Variants in TRAPPC8 observed in about 807,000 individuals in gnomAD.
TRAPPC8 encodes trafficking protein particle complex subunit 8.
TRAPPC8 carries 54 observed loss-of-function variants against 174.3 expected under a neutral mutation model. That is an observed-to-expected ratio of 0.31 (90% CI 0.25 to 0.39). The LOEUF (loss-of-function observed/expected upper bound fraction) is 0.39, where lower values mean the gene tolerates loss of function less well. Ranked by LOEUF, TRAPPC8 falls within the 10% of genes least tolerant of loss-of-function variation. TRAPPC8 has a pLI of 1.00. For missense variants in TRAPPC8, 1,531 were observed against 1,699.1 expected, an observed-to-expected ratio of 0.90 and a Z score of 1.74; for synonymous variants, 630 against 579.9, an observed-to-expected ratio of 1.09 and a Z score of -1.24.
At chr18:31,838,066 C>A (rs745857524) in intron 27 of TRAPPC8, among the ~76,000 whole-genome samples, 17 of 151,916 alleles carry the variant, frequency 1.1e-4, no homozygotes, top group Non-Finnish European at 2.2e-4. Context: ...AACTAATGGG[C>A]TCAAGCGATC....
At chr18:31,849,426 A>T (rs914282487) in intron 25 of TRAPPC8, 140 bp downstream of exon 25, 2 of 743,628 alleles carry the variant, frequency 2.7e-6, no homozygotes, top group Non-Finnish European at 3.8e-6. Flanking sequence ...GCCAAAAAAA[A>T]ATATGTAACT....
intron 26 of TRAPPC8, among the ~76,000 whole-genome samples, chr18:31,846,311 C>T (rs1057435187): frequency 1.3e-5 from 2 of 152,166 alleles, no homozygotes; most frequent in African/African-American, 2.4e-5. Flanking sequence ...TGGTAGCTCA[C>T]GCCTATAATC....
chr18:31,830,998 G>A lies in TRAPPC8; in HGVS notation c.4074-9C>T, dbSNP rs1413097340. 2 of 1,586,150 alleles carry A rather than the reference G, an allele frequency of 1.3e-6. No individual in the cohort carries two copies. Among genetic ancestry groups the A allele is most frequent in the Non-Finnish European group, 8.6e-7 (1 of 1,164,252 alleles). On this transcript the variant is annotated splice_polypyrimidine_tract_variant and intron_variant, in intron 28 of 28. Coordinates refer to ENST00000283351, the MANE Select transcript of TRAPPC8 (RefSeq NM_014939.5). ...TTTCCAGTGCTTCTGGACTAAGGGAGGAGGAAAATGTAAGTTGCAGGATTT... is the reference window on the plus strand; with the variant it reads ...TTTCCAGTGCTTCTGGACTAAGGGAAGAGGAAAATGTAAGTTGCAGGATTT...
intron 9 of TRAPPC8, among the ~76,000 whole-genome samples, chr18:31,905,337 G>A (rs2036612600): frequency 6.6e-6 from 1 of 152,120 alleles, no homozygotes; most frequent in South Asian, 2.1e-4. Context: ...GAGCTCAGCT[G>A]CTGCACAGAA....
chr18:31,837,967 T>TAAAAA (rs35815014), intron 27 of TRAPPC8, among the ~76,000 whole-genome samples: 1 of 129,044 alleles, frequency 7.7e-6, no homozygotes, highest in Non-Finnish European at 1.6e-5. Context: ...AAAAATCACT[T>TAAAAA]AAAAAAAAAA....
At chr18:31,935,935 C>T (rs1434414262) in intron 1 of TRAPPC8, among the ~76,000 whole-genome samples, 1 of 151,502 alleles carries the variant, frequency 6.6e-6, no homozygotes, top group African/African-American at 2.4e-5. Flanking sequence ...GACGAGGTTT[C>T]GCCATGTTGG....
chr18:31,916,248 T>A, intron 4 of TRAPPC8, 24 bp downstream of exon 4: 1 of 1,442,538 alleles, frequency 6.9e-7, no homozygotes, highest in Non-Finnish European at 9.2e-7. Flanking sequence ...CTGGAAAAAA[T>A]TTAAAACTAA....
At chr18:31,862,359 A>G (rs1053705930) in intron 19 of TRAPPC8, among the ~76,000 whole-genome samples, 5 of 152,192 alleles carry the variant, frequency 3.3e-5, no homozygotes, top group African/African-American at 1.2e-4. Flanking sequence ...AAAATGATGA[A>G]GCAACAGTAT....
chr18:31,864,938 C>T (rs560336592), intron 18 of TRAPPC8, among the ~76,000 whole-genome samples, 157 bp from the exon 19 acceptor site: 1 of 152,064 alleles, frequency 6.6e-6, no homozygotes, highest in Non-Finnish European at 1.5e-5. Context: ...AGTATATTTT[C>T]ATTCCATGTT....
At chr18:31,851,731 G>C (rs1020809673) in intron 24 of TRAPPC8, among the ~76,000 whole-genome samples, 2 of 151,950 alleles carry the variant, frequency 1.3e-5, no homozygotes, top group Admixed American at 6.6e-5. Flanking sequence ...AATCACAATG[G>C]AGTCTTATGT....
chr18:31,909,127 T>C, intron 6 of TRAPPC8, 117 bp from the exon 7 acceptor site: 1 of 984,580 alleles, frequency 1.0e-6, no homozygotes, highest in Non-Finnish European at 1.4e-6. Flanking sequence ...TATCTTTCAG[T>C]ATAGGTAAAT....
intron 22 of TRAPPC8, 89 bp downstream of exon 22, chr18:31,853,760 C>A: frequency 2.2e-6 from 2 of 920,528 alleles, no homozygotes; most frequent in South Asian, 1.9e-5. Flanking sequence ...AAAGTTAATC[C>A]TAATAATCTT....
At chr18:31,849,823 A>T (rs2145042135) in intron 24 of TRAPPC8, 84 bp from the exon 25 acceptor site, 1 of 1,339,282 alleles carries the variant, frequency 7.5e-7, no homozygotes, top group East Asian at 2.6e-5. Context: ...TTTTAATTAA[A>T]TATATCCTGC....
At position 31,873,441 on chromosome 18, in the gene TRAPPC8, C is replaced by T. The variant is rs769784175; in HGVS notation, c.2051G>A (p.Arg684Gln). Residue 684 changes from arginine to glutamine, a missense_variant, in exon 14 of 29, where the codon CGA becomes CAA. Transcript: ENST00000283351. ...AAAACTTTACTAACCATCCGCTGGT[C>T]GTCTGTCATGGCCAAAAAAAACCCG... ...ATRVFFGHDR[R>Q]PADGEKQAAT... The T allele has an allele frequency of 1.9e-6, 3 of 1,611,850 alleles. No homozygotes were observed. The highest frequency in any genetic ancestry group is 1.3e-5 in the African/African-American group (1 of 74,822).
intron 24 of TRAPPC8, among the ~76,000 whole-genome samples, chr18:31,851,648 C>A (rs1294752754): frequency 6.6e-6 from 1 of 152,046 alleles, no homozygotes; most frequent in East Asian, 1.9e-4. Flanking sequence ...TGAGCCACCA[C>A]ATCTGGCCCT....
chr18:31,940,462 T>A (rs1202481464), intron 1 of TRAPPC8, among the ~76,000 whole-genome samples: 1 of 152,126 alleles, frequency 6.6e-6, no homozygotes, highest in African/African-American at 2.4e-5. Context: ...CAAGACTCCA[T>A]CTCCAAAAAA....
intron 9 of TRAPPC8, among the ~76,000 whole-genome samples, chr18:31,901,868 T>C (rs1460366082): frequency 6.6e-6 from 1 of 152,252 alleles, no homozygotes; most frequent in Non-Finnish European, 1.5e-5. Flanking sequence ...AATGTGCTTA[T>C]GGGTGAATGT....
Position 31,931,527 on chromosome 18 carries a change from TAAAGA to T in TRAPPC8, c.158-9_158-5del. ...TTATTAGGATCTCTCATGTGAACTT[TAAAGA>T]AAAAAAGAAAAAAACTTGAAATTAA... is the stretch of plus-strand genomic sequence containing the variant. On this transcript the variant is annotated splice_polypyrimidine_tract_variant and splice_region_variant and intron_variant, in intron 1 of 28. Transcript: ENST00000283351. 8 of 1,533,444 alleles carry T rather than the reference TAAAGA, an allele frequency of 5.2e-6. No homozygotes were observed. The highest frequency in any genetic ancestry group is 7.0e-6 in the Non-Finnish European group (8 of 1,141,342). 95.0% of individuals were successfully genotyped at this position (1,533,444 alleles called of 1,614,324 possible). A position where few individuals can be genotyped will look rare whatever the true frequency, so the allele number is the denominator to read the frequency against.
chr18:31,934,064 T>C (rs1261892764), intron 1 of TRAPPC8, among the ~76,000 whole-genome samples: 3 of 151,998 alleles, frequency 2.0e-5, no homozygotes, highest in African/African-American at 7.3e-5. Context: ...GGCAAGCGCC[T>C]GTATTCCCAG....
Sources: gnomAD v4.1 joint callset for allele counts (sites outside exome capture counted in the v4.1 genomes callset) on GRCh38, gnomAD v4.1.1 for gene constraint, MANE v1.5 for transcripts, NCBI Gene and HGNC (gene_info 2026-07-23, HGNC 2026-07-21) for gene names.